Variants in VWC2 observed in about 807,000 individuals in gnomAD.
VWC2 encodes von Willebrand factor C domain containing 2.
In VWC2, 14 loss-of-function variants were observed where a neutral mutation model predicts 29.8. The observed-to-expected ratio is 0.47, with a 90% CI of 0.31 to 0.74. The LOEUF (loss-of-function observed/expected upper bound fraction) is 0.74, where lower values mean the gene tolerates loss of function less well. Ranked by LOEUF, VWC2 falls within the 30% of genes least tolerant of loss-of-function variation. The pLI is 0.05. For missense variants in VWC2, 457 were observed against 459.8 expected, an observed-to-expected ratio of 0.99 and a Z score of 0.05; for synonymous variants, 213 against 199.0, an observed-to-expected ratio of 1.07 and a Z score of -0.59.
At chr7:49,857,323 T>C (rs1790467739) in intron 3 of VWC2, among the ~76,000 whole-genome samples, 1 of 152,200 alleles carries the variant, frequency 6.6e-6, no homozygotes, top group Non-Finnish European at 1.5e-5. Context: ...CTAAGCATAA[T>C]GTCCTCAAGG....
intron 3 of VWC2, among the ~76,000 whole-genome samples, chr7:49,859,192 T>A (rs56043356): frequency 6.6e-6 from 1 of 152,362 alleles, no homozygotes; most frequent in East Asian, 1.9e-4. Flanking sequence ...TAGGAGTTTT[T>A]AAAGTCTTCT....
intron 3 of VWC2, among the ~76,000 whole-genome samples, chr7:49,829,904 C>A (rs541455107): frequency 6.6e-6 from 1 of 152,352 alleles, no homozygotes; most frequent in South Asian, 2.1e-4. Context: ...TACCTGGAAG[C>A]AGAACTTCAC....
At chr7:49,887,236 C>A (rs1388432178) in intron 3 of VWC2, among the ~76,000 whole-genome samples, 1 of 152,174 alleles carries the variant, frequency 6.6e-6, no homozygotes, top group Non-Finnish European at 1.5e-5. Context: ...CTCTGACACA[C>A]ACTTATTTAT....
intron 3 of VWC2, among the ~76,000 whole-genome samples, chr7:49,860,025 G>T (rs1374244929): frequency 6.6e-6 from 1 of 151,654 alleles, no homozygotes; most frequent in East Asian, 1.9e-4. Context: ...CTCTTTAAGG[G>T]CTTCTTTAAA....
chr7:49,832,315 C>G (rs1004923163), intron 3 of VWC2, among the ~76,000 whole-genome samples: 1 of 151,996 alleles, frequency 6.6e-6, no homozygotes. Context: ...ATTTGCTATT[C>G]TAGAATTGAG....
intron 2 of VWC2, among the ~76,000 whole-genome samples, chr7:49,786,371 A>C (rs542739440): frequency 2.6e-4 from 40 of 152,318 alleles, no homozygotes; most frequent in African/African-American, 9.6e-4. Flanking sequence ...CATTTTATTT[A>C]TCCAATCCAC....
At chr7:49,843,290 G>A (rs963981079) in intron 3 of VWC2, among the ~76,000 whole-genome samples, 1 of 152,170 alleles carries the variant, frequency 6.6e-6, no homozygotes, top group Admixed American at 6.5e-5. Flanking sequence ...TCTCATGGGT[G>A]AGCCCCTTTC....
At chr7:49,850,531 G>A (rs1240411468) in intron 3 of VWC2, 2 of 152,230 alleles carry the variant, frequency 1.3e-5, no homozygotes, top group Non-Finnish European at 2.9e-5. Context: ...GAGGAGAGGA[G>A]CATTAGCTCA....
chr7:49,802,802 T>C lies in VWC2; in HGVS notation c.788T>C (p.Val263Ala). The change falls in exon 3 of 4, where the codon GTG becomes GCG. Residue 263 changes from valine (V) to alanine (A), a missense_variant. Val to Ala is a moderately conservative substitution (Grantham distance 64). Around this residue, in one of 2 missense-constraint regions of VWC2, gnomAD observed 185 missense variants for 257.1 expected, o/e 0.72. Transcript: ENST00000340652. Reference sequence around the variant, plus strand: ...CCCCAGACGGAGTGTGTGGACCCTGTGTACGAGCCTGATCAGTGCTGTCCC... The same window carrying C: ...CCCCAGACGGAGTGTGTGGACCCTGCGTACGAGCCTGATCAGTGCTGTCCC... Reference protein sequence around the residue: ...ACPQTECVDPVYEPDQCCPIC... With the variant: ...ACPQTECVDPAYEPDQCCPIC... 1 of 1,614,254 alleles carries C rather than the reference T, an allele frequency of 6.2e-7. No homozygotes were observed. Among genetic ancestry groups the C allele is most frequent in the South Asian group, 1.1e-5 (1 of 91,086 alleles).
intron 3 of VWC2, among the ~76,000 whole-genome samples, chr7:49,854,395 G>C (rs1490343177): frequency 2.0e-5 from 3 of 152,096 alleles, no homozygotes; most frequent in Middle Eastern, 3.4e-3. Context: ...ACTTTTTAAT[G>C]ATCGCTATTC....
At chr7:49,857,490 A>G (rs1294475636) in intron 3 of VWC2, among the ~76,000 whole-genome samples, 1 of 152,218 alleles carries the variant, frequency 6.6e-6, no homozygotes, top group Non-Finnish European at 1.5e-5. Flanking sequence ...TGCAATTAAC[A>G]TGGGAGTGTA....
chr7:49,822,234 C>T (rs930968359), intron 3 of VWC2, among the ~76,000 whole-genome samples: 17 of 151,958 alleles, frequency 1.1e-4, no homozygotes, highest in African/African-American at 4.1e-4. Context: ...TAGAAAGTTG[C>T]CATTGTTAAT....
intron 3 of VWC2, among the ~76,000 whole-genome samples, chr7:49,872,711 G>C (rs1476796232): frequency 1.4e-5 from 2 of 147,820 alleles, no homozygotes; most frequent in African/African-American, 5.0e-5. Context: ...TTCCAGACCA[G>C]CCTGGCCAAC....
intron 3 of VWC2, among the ~76,000 whole-genome samples, chr7:49,905,667 C>A (rs1170114956): frequency 6.6e-6 from 1 of 152,132 alleles, no homozygotes; most frequent in Admixed American, 6.5e-5. Flanking sequence ...GAACCAGAGC[C>A]ACTCCATCTT....
intron 3 of VWC2, among the ~76,000 whole-genome samples, chr7:49,905,259 T>C (rs1793024030): frequency 6.6e-6 from 1 of 152,166 alleles, no homozygotes; most frequent in African/African-American, 2.4e-5. Flanking sequence ...TAAAAGACAG[T>C]ACTTATCATG....
At chr7:49,897,290 C>A (rs1417575426) in intron 3 of VWC2, among the ~76,000 whole-genome samples, 3 of 152,124 alleles carry the variant, frequency 2.0e-5, no homozygotes, top group African/African-American at 7.2e-5. Context: ...AATAATTTCC[C>A]AACTCATTCC....
At chr7:49,892,701 G>GATC (rs1792195414) in intron 3 of VWC2, among the ~76,000 whole-genome samples, 1 of 152,196 alleles carries the variant, frequency 6.6e-6, no homozygotes, top group South Asian at 2.1e-4. Context: ...AAGCCCCAGG[G>GATC]ATCTGCCTCT....
At chr7:49,859,141 G>A (rs1227347972) in intron 3 of VWC2, among the ~76,000 whole-genome samples, 1 of 152,180 alleles carries the variant, frequency 6.6e-6, no homozygotes, top group East Asian at 1.9e-4. Flanking sequence ...GGGCATGTGT[G>A]TCTTCAACGT....
chr7:49,826,173 A>G (rs1178520712), intron 3 of VWC2, among the ~76,000 whole-genome samples: 5 of 152,168 alleles, frequency 3.3e-5, no homozygotes, highest in Admixed American at 6.5e-5. Flanking sequence ...CTACCTTCCA[A>G]TAATTATTCC....
Sources: gnomAD v4.1 joint callset for allele counts (sites outside exome capture counted in the v4.1 genomes callset) on GRCh38, gnomAD v4.1.1 for gene constraint, gnomAD v4.1.1 regional missense constraint, MANE v1.5 for transcripts, NCBI Gene and HGNC (gene_info 2026-07-23, HGNC 2026-07-21) for gene names.